The following RAPGEF2 variants were observed in gnomAD, a reference collection of about 807,000 sequenced individuals.
RAPGEF2 encodes PDZ domain containing guanine nucleotide exchange factor (GEF) 1.
A neutral mutation model predicts 186.7 loss-of-function variants in RAPGEF2; 54 were observed. The ratio of observed to expected loss-of-function variants is 0.29; its 90% confidence interval spans 0.23 to 0.36. RAPGEF2 has a LOEUF of 0.36. RAPGEF2 is among the 10% of genes least tolerant of loss of function. RAPGEF2 has a pLI of 1.00. For synonymous variants in RAPGEF2, 712 were observed against 705.9 expected (o/e 1.01, Z -0.14); for missense variants, 1,532 against 2,045.0 (o/e 0.75, Z 4.84).
At chr4:159,199,358 G>C (rs934256135) in intron 3 of RAPGEF2, among the ~76,000 whole-genome samples, 1 of 152,062 alleles carries the variant, frequency 6.6e-6, no homozygotes, top group Non-Finnish European at 1.5e-5. Context: ...AAATAAAAAC[G>C]TTGTTAAAAA....
chr4:159,179,745 T>TAG (rs763178946), intron 1 of RAPGEF2, among the ~76,000 whole-genome samples: 6 of 152,098 alleles, frequency 3.9e-5, no homozygotes, highest in Non-Finnish European at 7.4e-5. Context: ...GGAGTGGGGG[T>TAG]AGCTCCTGGG....
intron 1 of RAPGEF2, among the ~76,000 whole-genome samples, chr4:159,160,092 A>G (rs1006631430): frequency 4.6e-5 from 7 of 152,246 alleles, no homozygotes; most frequent in African/African-American, 1.7e-4. Flanking sequence ...TCAAGAAGCT[A>G]TCTTTGTTCA....
intron 7 of RAPGEF2, among the ~76,000 whole-genome samples, chr4:159,276,533 C>T (rs780651875): frequency 7.2e-5 from 11 of 151,956 alleles, no homozygotes; most frequent in Non-Finnish European, 1.3e-4. Context: ...GTTTTTGTTA[C>T]GGTTATTTGA....
At chr4:159,253,861 G>A (rs555029711) in intron 7 of RAPGEF2, among the ~76,000 whole-genome samples, 67 of 152,232 alleles carry the variant, frequency 4.4e-4, no homozygotes, top group Admixed American at 2.4e-3. Context: ...CCAGCTACTC[G>A]GGAGGCTGAG....
intron 7 of RAPGEF2, among the ~76,000 whole-genome samples, chr4:159,279,563 A>G (rs754983933): frequency 9.2e-5 from 14 of 152,210 alleles, no homozygotes; most frequent in Non-Finnish European, 1.9e-4. Flanking sequence ...CTTGATCTCA[A>G]TGGAAATAAA....
intron 25 of RAPGEF2, among the ~76,000 whole-genome samples, chr4:159,347,580 C>T (rs1302675678): frequency 2.0e-5 from 3 of 151,976 alleles, no homozygotes; most frequent in African/African-American, 4.8e-5. Flanking sequence ...GTCAGGAGAT[C>T]CAGACCATCC....
intron 4 of RAPGEF2, among the ~76,000 whole-genome samples, chr4:159,216,503 A>G (rs1751005705): frequency 6.6e-6 from 1 of 152,092 alleles, no homozygotes; most frequent in Non-Finnish European, 1.5e-5. Context: ...TGGCACAGAG[A>G]TAGGATTCAG....
At chr4:159,224,523 A>G (rs1488682894) in intron 4 of RAPGEF2, among the ~76,000 whole-genome samples, 1 of 152,206 alleles carries the variant, frequency 6.6e-6, no homozygotes, top group Non-Finnish European at 1.5e-5. Context: ...CAAACCAGGC[A>G]GTTATTAGAT....
At chr4:159,213,850 A>G (rs2111380985) in intron 4 of RAPGEF2, among the ~76,000 whole-genome samples, 1 of 152,276 alleles carries the variant, frequency 6.6e-6, no homozygotes, top group South Asian at 2.1e-4. Flanking sequence ...TTCAGTGATT[A>G]TGAATGTTGT....
At chr4:159,198,820 T>G (rs1749089448) in intron 3 of RAPGEF2, among the ~76,000 whole-genome samples, 1 of 151,894 alleles carries the variant, frequency 6.6e-6, no homozygotes. Context: ...TATGCTTATG[T>G]GTGTACATAA....
chr4:159,284,526 A>G (rs920878709), intron 7 of RAPGEF2, among the ~76,000 whole-genome samples: 2 of 137,548 alleles, frequency 1.5e-5, no homozygotes, highest in Middle Eastern at 3.3e-3. Context: ...ACACACACAC[A>G]CACACACACG....
intron 1 of RAPGEF2, among the ~76,000 whole-genome samples, chr4:159,133,022 A>C (rs907477856): frequency 2.0e-5 from 3 of 152,024 alleles, no homozygotes; most frequent in African/African-American, 7.2e-5. Context: ...TATTCTTCCC[A>C]AAAATTAAAA....
chr4:159,226,078 C>T (rs1488978196), intron 4 of RAPGEF2, among the ~76,000 whole-genome samples: 1 of 151,914 alleles, frequency 6.6e-6, no homozygotes, highest in Non-Finnish European at 1.5e-5. Context: ...TAAAGGTTTC[C>T]TCATGTTTTT....
intron 7 of RAPGEF2, among the ~76,000 whole-genome samples, chr4:159,281,681 AAAAAAAAAAG>A (rs1759734652): frequency 7.0e-6 from 1 of 142,068 alleles, no homozygotes; most frequent in South Asian, 2.1e-4. Context: ...CAAAAAAAAA[AAAAAAAAAAG>A]AAAAGGAAAA....
chr4:159,122,676 T>TA (rs1377211235), intron 1 of RAPGEF2, among the ~76,000 whole-genome samples: 1 of 152,206 alleles, frequency 6.6e-6, no homozygotes, highest in Non-Finnish European at 1.5e-5. Context: ...TGAGTATGGT[T>TA]ACTCATCTCT....
At chr4:159,169,963 C>T (rs1303833695) in intron 1 of RAPGEF2, among the ~76,000 whole-genome samples, 1 of 152,008 alleles carries the variant, frequency 6.6e-6, no homozygotes, top group Non-Finnish European at 1.5e-5. Context: ...TATGGTAGTC[C>T]TATTTTTAAT....
intron 7 of RAPGEF2, among the ~76,000 whole-genome samples, chr4:159,292,794 C>T (rs1057468054): frequency 4.6e-5 from 7 of 152,034 alleles, no homozygotes; most frequent in African/African-American, 7.2e-5. Flanking sequence ...TTCCGGAAAC[C>T]TTATAGTTTC....
intron 1 of RAPGEF2, among the ~76,000 whole-genome samples, chr4:159,169,771 C>T (rs563611115): frequency 6.6e-6 from 1 of 152,152 alleles, no homozygotes; most frequent in South Asian, 2.1e-4. Flanking sequence ...TTTTTTAAGG[C>T]TAATATTCTG....
At chr4:159,136,541 A>G (rs1005140376) in intron 1 of RAPGEF2, among the ~76,000 whole-genome samples, 1 of 152,148 alleles carries the variant, frequency 6.6e-6, no homozygotes, top group Non-Finnish European at 1.5e-5. Context: ...CTGGGTAGGG[A>G]TTTCAGGCTA....
Sources: allele counts gnomAD v4.1 joint callset (sites outside exome capture counted in the v4.1 genomes callset), GRCh38; gene constraint gnomAD v4.1.1; transcripts MANE v1.5; gene names NCBI Gene and HGNC (gene_info 2026-07-23, HGNC 2026-07-21).